SSH2: variants seen among roughly 807,000 people sequenced by gnomAD.
The protein encoded by SSH2 is protein phosphatase Slingshot homolog 2.
Under a neutral mutation model 135.2 loss-of-function variants are expected in SSH2, and 37 were observed. The ratio of observed to expected loss-of-function variants is 0.27; its 90% CI spans 0.21 to 0.36. The LOEUF is 0.36. Ranked by LOEUF, SSH2 falls within the 10% of genes least tolerant of loss-of-function variation. The probability of loss-of-function intolerance (pLI) is 1.00; values close to 1 mark genes in which losing one functional copy is unlikely to be tolerated. For missense variants in SSH2, 1,408 were observed against 1,765.3 expected, an observed-to-expected ratio of 0.80 and a Z score of 3.63; for synonymous variants, 628 against 646.2, an observed-to-expected ratio of 0.97 and a Z score of 0.43.
chr17:29,883,429 T>C (rs2066176040), intron 1 of SSH2, among the ~76,000 whole-genome samples: 1 of 152,228 alleles, frequency 6.6e-6, no homozygotes, highest in South Asian at 2.1e-4. Context: ...GAAAGGTTTC[T>C]GCTAATCTCT....
intron 3 of SSH2, among the ~76,000 whole-genome samples, chr17:29,779,677 G>A (rs2041793834): frequency 6.6e-6 from 1 of 151,194 alleles, no homozygotes; most frequent in African/African-American, 2.4e-5. Context: ...AAATTAGCTG[G>A]GCGTGGTGGT....
At chr17:29,710,417 T>C (rs1049319050) in intron 3 of SSH2, among the ~76,000 whole-genome samples, 5 of 152,232 alleles carry the variant, frequency 3.3e-5, no homozygotes, top group East Asian at 1.9e-4. Flanking sequence ...AGTGAGTTGG[T>C]TGGTATTTAT....
chr17:29,755,814 AC>A (rs1341666454), intron 3 of SSH2, among the ~76,000 whole-genome samples: 1 of 150,720 alleles, frequency 6.6e-6, no homozygotes, highest in African/African-American at 2.4e-5. Context: ...GGCACCCGCC[AC>A]CGCACCCGGC....
At chr17:29,781,473 C>CTTTTTTT (rs541361010) in intron 3 of SSH2, among the ~76,000 whole-genome samples, 52 of 81,830 alleles carry the variant, frequency 6.4e-4, no homozygotes, top group Non-Finnish European at 7.7e-4. Flanking sequence ...CCTGTGTTTT[C>CTTTTTTT]TTTTTTTTTT....
At chr17:29,723,464 G>C (rs1379311042) in intron 3 of SSH2, among the ~76,000 whole-genome samples, 2 of 152,154 alleles carry the variant, frequency 1.3e-5, no homozygotes, top group Non-Finnish European at 2.9e-5. Context: ...AGTGCTTAAT[G>C]AATGTGATCT....
At chr17:29,708,250 G>C (rs1250351954) in intron 3 of SSH2, among the ~76,000 whole-genome samples, 1 of 152,166 alleles carries the variant, frequency 6.6e-6, no homozygotes, top group Non-Finnish European at 1.5e-5. Context: ...TGAAACAGCT[G>C]CTTAAAAATT....
At position 29,631,400 on chromosome 17, in the gene SSH2, A is replaced by AT; in HGVS notation, c.3793dup (p.Ile1265AsnfsTer33). ...TGCCTGGAAAACCACTCGAGACTCGATTTCTTTAGCACGCTCCTTCACCAC... is the reference window on the plus strand; with the variant it reads ...TGCCTGGAAAACCACTCGAGACTCGATTTTCTTTAGCACGCTCCTTCACCAC... On this transcript the variant is annotated frameshift_variant, in exon 16 of 16. Transcript: ENST00000540801. LOFTEE classifies it high-confidence loss of function. 6.2e-7 allele frequency: 1 copy of AT among 1,614,036 alleles called. No individual in the cohort carries two copies. The highest frequency in any genetic ancestry group is 8.5e-7 in the Non-Finnish European group (1 of 1,180,008).
intron 6 of SSH2, among the ~76,000 whole-genome samples, chr17:29,680,061 A>T (rs1349440072): frequency 6.6e-6 from 1 of 152,242 alleles, no homozygotes; most frequent in Admixed American, 6.5e-5. Context: ...ATGTGAATAT[A>T]CTGTCCTGTA....
At chr17:29,790,624 G>T (rs2042047640) in intron 3 of SSH2, among the ~76,000 whole-genome samples, 1 of 151,982 alleles carries the variant, frequency 6.6e-6, no homozygotes, top group African/African-American at 2.4e-5. Context: ...GTCTTTTGAT[G>T]CACAGAAGTT....
chr17:29,759,185 G>A (rs1389017635), intron 3 of SSH2, among the ~76,000 whole-genome samples: 1 of 151,950 alleles, frequency 6.6e-6, no homozygotes, highest in African/African-American at 2.4e-5. Context: ...ATAGGCATGC[G>A]CCACCGCACC....
chr17:29,746,787 T>TA (rs2040779473), intron 3 of SSH2, among the ~76,000 whole-genome samples: 1 of 152,250 alleles, frequency 6.6e-6, no homozygotes, highest in Admixed American at 6.5e-5. Flanking sequence ...TCATGGAGAC[T>TA]AACTGGTTTT....
At chr17:29,783,136 C>T (rs1289569928) in intron 3 of SSH2, among the ~76,000 whole-genome samples, 2 of 151,928 alleles carry the variant, frequency 1.3e-5, no homozygotes. Flanking sequence ...TTCTTTTATG[C>T]TGAGTCAGTT....
chr17:29,749,065 A>G (rs2040848238), intron 3 of SSH2, among the ~76,000 whole-genome samples: 1 of 152,224 alleles, frequency 6.6e-6, no homozygotes, highest in African/African-American at 2.4e-5. Context: ...GTAAAATTCA[A>G]CTATACCTAA....
intron 2 of SSH2, among the ~76,000 whole-genome samples, chr17:29,831,658 G>A (rs2042846501): frequency 6.7e-6 from 1 of 148,896 alleles, no homozygotes; most frequent in Non-Finnish European, 1.5e-5. Context: ...TGCAACCTCT[G>A]CCTCCTGGGT....
intron 1 of SSH2, among the ~76,000 whole-genome samples, chr17:29,886,992 TC>T (rs1199964594): frequency 6.6e-6 from 1 of 152,078 alleles, no homozygotes; most frequent in Non-Finnish European, 1.5e-5. Context: ...AAGATTTTTT[TC>T]TCGGATAAGA....
intron 2 of SSH2, among the ~76,000 whole-genome samples, chr17:29,819,144 T>C (rs2151339452): frequency 6.6e-6 from 1 of 152,090 alleles, no homozygotes; most frequent in African/African-American, 2.4e-5. Context: ...GAGAATCACT[T>C]GAACCGGGGA....
chr17:29,928,544 G>A lies in SSH2; in HGVS notation c.63+1394C>T, dbSNP rs2067111724. On this transcript the variant is annotated intron_variant, in intron 1 of 15. Transcript: ENST00000540801. ...TTACAAATTCTTCCTTACAATCACT[G>A]GAAATCTGCCTCCCTGAACCAAGAA... 20 of 398,452 alleles carry A rather than the reference G, an allele frequency of 5.0e-5. No homozygotes were observed. The East Asian group carries it at 7.1e-4, about 14-fold the overall frequency. The allele number at this position is 398,452 out of a possible 1,614,324, so 24.7% of individuals were successfully genotyped here.
intron 3 of SSH2, among the ~76,000 whole-genome samples, chr17:29,769,066 A>T (rs902405992): frequency 2.0e-5 from 3 of 152,152 alleles, no homozygotes; most frequent in Non-Finnish European, 4.4e-5. Flanking sequence ...AATAAAAAAT[A>T]ATAAAAAAAT....
intron 3 of SSH2, among the ~76,000 whole-genome samples, chr17:29,741,104 A>G (rs771486504): frequency 1.7e-4 from 26 of 152,230 alleles, no homozygotes; most frequent in Non-Finnish European, 3.7e-4. Context: ...TAGGTATGAA[A>G]CAGGGTCTTG....
Sources: allele counts gnomAD v4.1 joint callset (sites outside exome capture counted in the v4.1 genomes callset), GRCh38; gene constraint gnomAD v4.1.1; transcripts MANE v1.5; gene names NCBI Gene and HGNC (gene_info 2026-07-23, HGNC 2026-07-21).